The following TRIM10 variants were observed in gnomAD, a reference collection of about 807,000 sequenced individuals.
TRIM10 encodes tripartite motif containing 10, also known as tripartite motif-containing protein 10.
TRIM10 carries 42 observed loss-of-function variants against 40.0 expected under a neutral mutation model. The observed-to-expected ratio is 1.05, with a 90% CI of 0.82 to 1.36. The LOEUF (loss-of-function observed/expected upper bound fraction) is 1.36, where lower values mean the gene tolerates loss of function less well. Among genes scored for constraint, TRIM10 ranks in the 40% most tolerant of loss-of-function variants. The pLI, the probability that TRIM10 is intolerant of heterozygous loss-of-function variation, is 0.00. For missense variants in TRIM10, 601 were observed against 608.3 expected (o/e 0.99, Z 0.13); for synonymous variants, 260 against 239.5 (o/e 1.09, Z -0.79).
intron 3 of TRIM10, among the ~76,000 whole-genome samples, 156 bp from the exon 4 acceptor site, chr6:30,157,547 G>T (rs984939692): frequency 2.0e-5 from 3 of 151,758 alleles, no homozygotes; most frequent in East Asian, 3.9e-4. Flanking sequence ...ATACAGTGGC[G>T]TGATCATGGC....
chr6:30,163,541 CCTCTCTCTCTCTTTCT>C, upstream of TRIM10: 1 of 1,080,830 alleles, frequency 9.3e-7, no homozygotes, highest in Admixed American at 3.0e-5. Flanking sequence ...GGCATTCTTG[CCTCTCTCTCTCTTTCT>C]CTCTCTCTGT....
At position 30,153,822 on chromosome 6, in the gene TRIM10, A is replaced by G; in HGVS notation, c.*147T>C. On this transcript the variant is annotated 3_prime_UTR_variant, in exon 7 of 7. Transcript: ENST00000449742. ...CAGTAGATTGAGAGTCCTCTCTTCT[A>G]TCCCTTACCACCCGGCCCCATCCCA... The G allele has an allele frequency of 1.2e-6, 2 of 1,611,776 alleles. No homozygotes were observed. The highest frequency in any genetic ancestry group is 1.3e-5 in the African/African-American group (1 of 75,020).
At chr6:30,156,410 C>G (rs1772531446) in intron 5 of TRIM10, among the ~76,000 whole-genome samples, 1 of 152,108 alleles carries the variant, frequency 6.6e-6, no homozygotes, top group South Asian at 2.1e-4. Flanking sequence ...CAAACCCTCC[C>G]CCACACCCTA....
upstream of TRIM10, among the ~76,000 whole-genome samples, chr6:30,162,802 T>A (rs1773226998): frequency 6.6e-6 from 1 of 152,170 alleles, no homozygotes; most frequent in African/African-American, 2.4e-5. Flanking sequence ...TAAAATTGAA[T>A]GTAGTAATAT....
At chr6:30,157,504 G>A in intron 3 of TRIM10, 113 bp from the exon 4 acceptor site, 1 of 1,180,446 alleles carries the variant, frequency 8.5e-7, no homozygotes. Context: ...TTGTTTGTTT[G>A]AGAAAGGGTC....
intron 1 of TRIM10, among the ~76,000 whole-genome samples, chr6:30,160,115 C>T (rs542064216): frequency 1.3e-5 from 2 of 152,256 alleles, no homozygotes; most frequent in South Asian, 4.1e-4. Context: ...ACTGTTTGTA[C>T]AATCATTCCC....
chr6:30,159,256 G>C lies in TRIM10; in HGVS notation c.430-11C>G. ...CTTATGGATTTGTTCCTGGGGAGAA[G>C]GAACATAAAATACTCAAGATGGAAA... On this transcript the variant is annotated splice_polypyrimidine_tract_variant and intron_variant, in intron 1 of 6. Coordinates refer to ENST00000449742, the MANE Select transcript of TRIM10 (RefSeq NM_006778.4). 1 of 1,562,960 alleles carries C rather than the reference G, an allele frequency of 6.4e-7. No individual in the cohort carries two copies. Among genetic ancestry groups the C allele is most frequent in the Non-Finnish European group, 8.8e-7 (1 of 1,134,856 alleles).
Position 30,154,181 on chromosome 6 carries a change from C to A in TRIM10, c.1234G>T (p.Val412Phe). The A allele has an allele frequency of 1.2e-6, 2 of 1,611,916 alleles. No individual in the cohort carries two copies. Among genetic ancestry groups the A allele is most frequent in the South Asian group, 2.2e-5 (2 of 91,038 alleles). Residue 412 changes from valine to phenylalanine, a missense_variant, in exon 7 of 7, where the codon GTC becomes TTC. Transcript: ENST00000449742. ...GTGGGGAAGGAGCCCAGAGCCGAGA[C>A]GAAGCCCCAAGCCAGCCTCACAGCC... ...VWAVRLAWGF[V>F]SALGSFPTRL...
At chr6:30,163,854 G>A, upstream of TRIM10, 2 of 1,613,040 alleles carry the variant, frequency 1.2e-6, no homozygotes, top group East Asian at 2.2e-5. Context: ...ATCCTGCTCT[G>A]CCCGCTCTGC....
chr6:30,153,479 T>C lies in TRIM10; in HGVS notation c.*490A>G, dbSNP rs1255630732. ...ATATAGAGCAGGTTTTTTTTTTCTC[T>C]ATATTTTCAAGTCACCAGTGGCCAC... On this transcript the variant is annotated 3_prime_UTR_variant, in exon 7 of 7. Transcript: ENST00000449742. 7.0e-6 allele frequency: 4 copies of C among 567,866 alleles called. No homozygotes were observed. Among genetic ancestry groups the C allele is most frequent in the East Asian group, 2.8e-5 (1 of 35,308 alleles). 35.2% of individuals were successfully genotyped at this position (567,866 alleles called of 1,614,324 possible).
chr6:30,159,368 C>A, intron 1 of TRIM10, 123 bp from the exon 2 acceptor site: 1 of 665,340 alleles, frequency 1.5e-6, no homozygotes, highest in Non-Finnish European at 2.6e-6. Flanking sequence ...CCTTAGCTGA[C>A]AATCCCCGAG....
intron 4 of TRIM10, 89 bp downstream of exon 4, chr6:30,157,280 G>A (rs1384372845): frequency 1.5e-6 from 2 of 1,299,748 alleles, no homozygotes; most frequent in Admixed American, 2.1e-5. Flanking sequence ...AAGTGAGAAT[G>A]TTATATACCT....
At chr6:30,155,070 C>T (rs1395599190) in intron 6 of TRIM10, among the ~76,000 whole-genome samples, 2 of 152,188 alleles carry the variant, frequency 1.3e-5, no homozygotes, top group Non-Finnish European at 2.9e-5. Flanking sequence ...CCAAAAACTG[C>T]TGCAGAGCCT....
At position 30,153,520 on chromosome 6, in the gene TRIM10, A is replaced by G. The variant is rs575508883; in HGVS notation, c.*449T>C. The G allele has an allele frequency of 6.0e-6, 4 of 665,072 alleles. No individual in the cohort carries two copies. Among genetic ancestry groups the G allele is most frequent in the African/African-American group, 1.8e-5 (1 of 55,168 alleles). 41.2% of individuals were successfully genotyped at this position (665,072 alleles called of 1,614,324 possible). A position where few individuals can be genotyped will look rare whatever the true frequency, so the allele number is the denominator to read the frequency against. ...CAGTGGCCACCACACTGCTTGGTTC[A>G]TAGTTAACACAAACTAAATGGTTCT... On this transcript the variant is annotated 3_prime_UTR_variant, in exon 7 of 7. Coordinates refer to ENST00000449742, the MANE Select transcript of TRIM10 (RefSeq NM_006778.4).
In TRIM10 at chr6:30,157,379, T is replaced by G. The variant is rs760419393; in HGVS notation, c.769A>C (p.Thr257Pro). 1 of 1,601,902 alleles carries G rather than the reference T, an allele frequency of 6.2e-7. No homozygotes were observed. Among genetic ancestry groups the G allele is most frequent in the South Asian group, 1.1e-5 (1 of 88,654 alleles). ...AACTATATTGCTTACCTTATTAGAG[T>G]GCTTCTGATGTCCTAGGAGAAAGAG... Reference protein sequence around the residue: ...ARELLTDIRSTLIRCETRKCR... With the variant: ...ARELLTDIRSPLIRCETRKCR... The change falls in exon 4 of 7, where the codon ACT (threonine) becomes CCT (proline). Residue 257 changes from threonine (T) to proline (P), a missense_variant. By Grantham distance (38) the Thr-to-Pro change is conservative. Coordinates refer to ENST00000449742, the MANE Select transcript of TRIM10 (RefSeq NM_006778.4).
chr6:30,153,852 C>T lies in TRIM10; in HGVS notation c.*117G>A. The T allele has an allele frequency of 6.2e-7, 1 of 1,605,006 alleles. No individual in the cohort carries two copies. The highest frequency in any genetic ancestry group is 1.1e-5 in the South Asian group (1 of 90,314). On this transcript the variant is annotated 3_prime_UTR_variant, in exon 7 of 7. Coordinates refer to ENST00000449742, the MANE Select transcript of TRIM10 (RefSeq NM_006778.4). ...TTACCACCCGGCCCCATCCCATCTT[C>T]TAAAGCAGTCATTTCTATTCCAAGT...
Position 30,153,468 on chromosome 6 carries a change from T to G in TRIM10, c.*501A>C. 1 of 562,048 alleles carries G rather than the reference T, an allele frequency of 1.8e-6. No individual in the cohort carries two copies. The highest frequency in any genetic ancestry group is 3.2e-6 in the Non-Finnish European group (1 of 316,940). 34.8% of individuals were successfully genotyped at this position (562,048 alleles called of 1,614,324 possible). ...AGCTCTTTCAGATATAGAGCAGGTT[T>G]TTTTTTTCTCTATATTTTCAAGTCA... On this transcript the variant is annotated 3_prime_UTR_variant, in exon 7 of 7. Coordinates refer to ENST00000449742, the MANE Select transcript of TRIM10 (RefSeq NM_006778.4).
At chr6:30,155,055 T>C (rs1026056121) in intron 6 of TRIM10, among the ~76,000 whole-genome samples, 11 of 152,180 alleles carry the variant, frequency 7.2e-5, no homozygotes, top group African/African-American at 2.7e-4. Flanking sequence ...GACCACTTTT[T>C]ACCACCAAAA....
rs1240476396 is a variant in TRIM10, at chr6:30,154,252, A to C, written c.1163T>G (p.Val388Gly). 11 of 1,612,874 alleles carry C rather than the reference A, an allele frequency of 6.8e-6. No individual in the cohort carries two copies. The highest frequency in any genetic ancestry group is 9.3e-6 in the Non-Finnish European group (11 of 1,180,004). Reference sequence around the variant, plus strand: ...CAGCCGAAGCTCCCCCTTCCGCTGCACATCCTCGCTCACCACGCCCACGGT... The same window carrying C: ...CAGCCGAAGCTCCCCCTTCCGCTGCCCATCCTCGCTCACCACGCCCACGGT... ...SCTVGVVSED[V>G]QRKGELRLRP... Residue 388 changes from valine to glycine, a missense_variant, in exon 7 of 7, where the codon GTG becomes GGG. Physicochemically the swap from Val to Gly is moderately radical, Grantham distance 109 (BLOSUM62 -3). Coordinates refer to ENST00000449742, the MANE Select transcript of TRIM10 (RefSeq NM_006778.4).
Sources: gnomAD v4.1 joint callset for allele counts (sites outside exome capture counted in the v4.1 genomes callset) on GRCh38, gnomAD v4.1.1 for gene constraint, MANE v1.5 for transcripts, NCBI Gene and HGNC (gene_info 2026-07-23, HGNC 2026-07-21) for gene names.